SKAP2: variants seen among roughly 807,000 people sequenced by gnomAD.
SKAP2 encodes src kinase-associated phosphoprotein 2.
Under a neutral mutation model 54.9 loss-of-function variants are expected in SKAP2, and 28 were observed. The observed-to-expected ratio is 0.51, with a 90% CI of 0.38 to 0.70. SKAP2 has a LOEUF of 0.70. Ranked by LOEUF, SKAP2 falls within the 30% of genes least tolerant of loss-of-function variation. The pLI is 0.00. For synonymous variants in SKAP2, 137 were observed against 134.3 expected, an observed-to-expected ratio of 1.02 and a Z score of -0.14; for missense variants, 356 against 424.1, an observed-to-expected ratio of 0.84 and a Z score of 1.41.
chr7:26,685,432 TA>T (rs1786614827), intron 10 of SKAP2, among the ~76,000 whole-genome samples: 1 of 152,200 alleles, frequency 6.6e-6, no homozygotes, highest in African/African-American at 2.4e-5. Context: ...CAATTTTCTT[TA>T]GGGACATTTG....
chr7:26,861,232 GA>G (rs11424322), intron 1 of SKAP2, among the ~76,000 whole-genome samples: 68 of 147,750 alleles, frequency 4.6e-4, no homozygotes, highest in Admixed American at 1.5e-3. Flanking sequence ...CCTGTCTAGA[GA>G]AAAAAAAAAA....
At chr7:26,717,311 G>A (rs1656175715) in intron 9 of SKAP2, among the ~76,000 whole-genome samples, 1 of 151,782 alleles carries the variant, frequency 6.6e-6, no homozygotes, top group Admixed American at 6.6e-5. Context: ...AGAAGTTGGA[G>A]ACCATCTTGA....
intron 6 of SKAP2, among the ~76,000 whole-genome samples, chr7:26,728,415 A>T (rs957614966): frequency 6.6e-6 from 1 of 152,136 alleles, no homozygotes; most frequent in African/African-American, 2.4e-5. Flanking sequence ...CAGCATTTCC[A>T]AAAATTATTT....
chr7:26,755,580 G>C (rs914186555), intron 4 of SKAP2, among the ~76,000 whole-genome samples: 1 of 152,122 alleles, frequency 6.6e-6, no homozygotes, highest in East Asian at 1.9e-4. Flanking sequence ...TTGATTTGTA[G>C]TGTTTCCTGA....
intron 9 of SKAP2, among the ~76,000 whole-genome samples, chr7:26,720,907 A>T (rs1214656668): frequency 6.6e-6 from 1 of 152,158 alleles, no homozygotes; most frequent in Non-Finnish European, 1.5e-5. Context: ...TTGGGTGGGG[A>T]CACAGCCAAA....
At chr7:26,687,000 G>GT (rs1426984403) in intron 10 of SKAP2, among the ~76,000 whole-genome samples, 1 of 151,936 alleles carries the variant, frequency 6.6e-6, no homozygotes, top group Non-Finnish European at 1.5e-5. Flanking sequence ...GTCCCATTGC[G>GT]TTCCCCAGCT....
At chr7:26,820,915 AC>A (rs1455627901) in intron 4 of SKAP2, among the ~76,000 whole-genome samples, 4 of 152,200 alleles carry the variant, frequency 2.6e-5, no homozygotes, top group Non-Finnish European at 4.4e-5. Flanking sequence ...TGTCCTATGT[AC>A]CTATCCCTAC....
At chr7:26,860,687 G>A (rs1343147679) in intron 1 of SKAP2, among the ~76,000 whole-genome samples, 1 of 151,680 alleles carries the variant, frequency 6.6e-6, no homozygotes, top group Non-Finnish European at 1.5e-5. Flanking sequence ...ATGGAACTTT[G>A]GAAAGGTGGA....
chr7:26,771,531 G>A (rs993650138), intron 4 of SKAP2, among the ~76,000 whole-genome samples: 2 of 152,128 alleles, frequency 1.3e-5, no homozygotes, highest in African/African-American at 4.8e-5. Flanking sequence ...TATATAGTAT[G>A]TTATAGGAAT....
At chr7:26,774,364 G>A (rs1290297992) in intron 4 of SKAP2, among the ~76,000 whole-genome samples, 1 of 151,980 alleles carries the variant, frequency 6.6e-6, no homozygotes, top group Non-Finnish European at 1.5e-5. Flanking sequence ...TTTGAAGACA[G>A]AAAGTCTTCT....
intron 4 of SKAP2, among the ~76,000 whole-genome samples, chr7:26,807,378 T>C (rs941337169): frequency 5.3e-5 from 8 of 152,164 alleles, no homozygotes; most frequent in Non-Finnish European, 7.3e-5. Context: ...GTTCTTGTGA[T>C]AGTGAGTGAG....
chr7:26,683,339 G>A (rs972199981), intron 11 of SKAP2, among the ~76,000 whole-genome samples: 1 of 152,106 alleles, frequency 6.6e-6, no homozygotes, highest in African/African-American at 2.4e-5. Flanking sequence ...TATCTATAGC[G>A]TCCAAGAACT....
chr7:26,812,687 G>C (rs918987701), intron 4 of SKAP2, among the ~76,000 whole-genome samples: 1 of 151,882 alleles, frequency 6.6e-6, no homozygotes, highest in Non-Finnish European at 1.5e-5. Context: ...GGTATAATAG[G>C]TATGTTAAAA....
Position 26,781,703 on chromosome 7 carries a change from T to C in SKAP2, c.308-41739A>G, listed in dbSNP as rs562797725. Reference sequence around the variant, plus strand: ...GCTAGGACAATTTTTGATACCTCCCTTTGCTAAACCATCACCAAGACCTAC... The same window carrying C: ...GCTAGGACAATTTTTGATACCTCCCCTTGCTAAACCATCACCAAGACCTAC... On this transcript the variant is annotated intron_variant, in intron 4 of 12. Transcript: ENST00000345317. Among the ~76,000 whole-genome samples, 24 of 152,288 alleles carry C rather than the reference T, an allele frequency of 1.6e-4. No homozygotes were observed. In the South Asian group the frequency reaches 4.4e-3, roughly 28 times the overall value.
intron 9 of SKAP2, among the ~76,000 whole-genome samples, chr7:26,707,143 T>C (rs1787179082): frequency 6.6e-6 from 1 of 152,122 alleles, no homozygotes. Flanking sequence ...GTGGATTGCT[T>C]GAGCCCAGGA....
At chr7:26,734,059 T>C (rs1787874153) in intron 6 of SKAP2, among the ~76,000 whole-genome samples, 1 of 152,198 alleles carries the variant, frequency 6.6e-6, no homozygotes, top group Non-Finnish European at 1.5e-5. Flanking sequence ...GGTCCACCAC[T>C]TATGGGCACC....
At chr7:26,819,558 T>A (rs1214203413) in intron 4 of SKAP2, among the ~76,000 whole-genome samples, 1 of 138,514 alleles carries the variant, frequency 7.2e-6, no homozygotes, top group East Asian at 2.0e-4. Context: ...ATCCCAGAAC[T>A]TAAAGTATAC....
chr7:26,827,960 T>A (rs1298274217), intron 4 of SKAP2, among the ~76,000 whole-genome samples: 1 of 152,094 alleles, frequency 6.6e-6, no homozygotes, highest in African/African-American at 2.4e-5. Context: ...AAAAAATAAA[T>A]AAATAAATAC....
At chr7:26,797,464 C>G (rs1289754947) in intron 4 of SKAP2, among the ~76,000 whole-genome samples, 1 of 152,194 alleles carries the variant, frequency 6.6e-6, no homozygotes, top group African/African-American at 2.4e-5. Context: ...GTCAAGGTGG[C>G]ACCTCTATAG....
Sources: gnomAD v4.1 joint callset for allele counts (sites outside exome capture counted in the v4.1 genomes callset) on GRCh38, gnomAD v4.1.1 for gene constraint, MANE v1.5 for transcripts, NCBI Gene and HGNC (gene_info 2026-07-23, HGNC 2026-07-21) for gene names.